Variants in ARHGEF9 observed in about 807,000 individuals in gnomAD.
ARHGEF9 encodes the protein rho guanine nucleotide exchange factor 9.
A neutral mutation model predicts 41.3 loss-of-function variants in ARHGEF9; 2 were observed. The ratio of observed to expected loss-of-function variants is 0.05; its 90% CI spans 0.02 to 0.15. The LOEUF (loss-of-function observed/expected upper bound fraction) is 0.15, where lower values mean the gene tolerates loss of function less well. Among genes scored for constraint, ARHGEF9 ranks in the 10% least tolerant of loss-of-function variants. The pLI, the probability that ARHGEF9 is intolerant of heterozygous loss-of-function variation, is 1.00. For synonymous variants in ARHGEF9, 160 were observed against 154.4 expected (o/e 1.04, Z -0.27); for missense variants, 225 against 424.7 (o/e 0.53, Z 4.13).
intron 4 of ARHGEF9, among the ~76,000 whole-genome samples, chrX:63,693,877 T>A (rs782421431): frequency 2.2e-4 from 23 of 103,562 alleles, no homozygotes; most frequent in African/African-American, 7.4e-4. Context: ...TGGCGAAAAT[T>A]AAAAAAAAAA....
At chrX:63,683,698 T>A (rs1218584409) in intron 4 of ARHGEF9, among the ~76,000 whole-genome samples, 1 of 111,115 alleles carries the variant, frequency 9.0e-6, no homozygotes, top group Non-Finnish European at 1.9e-5. Flanking sequence ...CCGAAGCAAA[T>A]ATAGTGAACT....
chrX:63,697,814 T>C (rs1460650000), intron 3 of ARHGEF9, among the ~76,000 whole-genome samples: 1 of 111,989 alleles, frequency 8.9e-6, no homozygotes, highest in Non-Finnish European at 1.9e-5. Context: ...AACTTTAATG[T>C]CAGGAAATAA....
At chrX:63,688,641 G>A (rs1290835346) in intron 4 of ARHGEF9, among the ~76,000 whole-genome samples, 1 of 111,710 alleles carries the variant, frequency 9.0e-6, no homozygotes, top group Non-Finnish European at 1.9e-5. Flanking sequence ...GTGATGGCAC[G>A]TGCCTATAAT....
chrX:63,754,379 TTC>T (rs2055844769), intron 1 of ARHGEF9: 3 of 1,206,673 alleles, frequency 2.5e-6, no homozygotes, highest in East Asian at 3.0e-5. Context: ...AGCTTGTTCT[TTC>T]TCTCTCTTTC....
chrX:63,675,709 C>A (rs1452556845), intron 5 of ARHGEF9, among the ~76,000 whole-genome samples: 3 of 111,904 alleles, frequency 2.7e-5, no homozygotes, highest in African/African-American at 9.8e-5. Context: ...AGACGTGTAA[C>A]CCTTGGCCCC....
At chrX:63,723,171 G>A (rs1463864356) in intron 2 of ARHGEF9, among the ~76,000 whole-genome samples, 1 of 111,270 alleles carries the variant, frequency 9.0e-6, no homozygotes, top group Non-Finnish European at 1.9e-5. Context: ...CATTTGCTAA[G>A]TTCCTAATAT....
intron 7 of ARHGEF9, among the ~76,000 whole-genome samples, chrX:63,659,717 T>C (rs1331329764): frequency 1.8e-5 from 2 of 111,802 alleles, no homozygotes; most frequent in Non-Finnish European, 3.8e-5. Context: ...CATCCTAGAA[T>C]GCATGCTTAA....
At chrX:63,657,370 T>C (rs2048939584) in intron 7 of ARHGEF9, 1 of 111,865 alleles carries the variant, frequency 8.9e-6, no homozygotes, top group Non-Finnish European at 1.9e-5. Flanking sequence ...AGATTTTCAG[T>C]TGGGCTGGGA....
chrX:63,775,408 G>A (rs782578909), intron 1 of ARHGEF9, among the ~76,000 whole-genome samples: 3 of 112,271 alleles, frequency 2.7e-5, no homozygotes, highest in East Asian at 2.8e-4. Flanking sequence ...TCACAATAGC[G>A]AAGACATAAA....
intron 1 of ARHGEF9, among the ~76,000 whole-genome samples, chrX:63,761,768 T>G (rs782191982): frequency 8.9e-6 from 1 of 111,735 alleles, no homozygotes; most frequent in Non-Finnish European, 1.9e-5. Flanking sequence ...AATGACTGAA[T>G]AAATACCTGA....
chrX:63,664,620 TA>T, intron 7 of ARHGEF9, among the ~76,000 whole-genome samples: 1 of 111,938 alleles, frequency 8.9e-6, no homozygotes, highest in East Asian at 2.8e-4. Context: ...TTGGGGGAGC[TA>T]AAAAGAAGCA....
chrX:63,691,089 A>G (rs2051316139), intron 4 of ARHGEF9, among the ~76,000 whole-genome samples: 1 of 112,101 alleles, frequency 8.9e-6, no homozygotes, highest in South Asian at 3.7e-4. Context: ...AAGAATGCCC[A>G]CTTTTACCAC....
chrX:63,718,237 G>A (rs1225071414), intron 2 of ARHGEF9, among the ~76,000 whole-genome samples: 1 of 111,509 alleles, frequency 9.0e-6, no homozygotes, highest in Non-Finnish European at 1.9e-5. Flanking sequence ...AAATACTGGT[G>A]AGAAGATATT....
chrX:63,642,910 C>T (rs1432778253), intron 9 of ARHGEF9: 3 of 111,636 alleles, frequency 2.7e-5, no homozygotes, highest in Non-Finnish European at 5.6e-5. Context: ...TCATCAGGAC[C>T]CTGAGATGGA....
intron 1 of ARHGEF9, among the ~76,000 whole-genome samples, chrX:63,732,720 C>T (rs2054383243): frequency 9.0e-6 from 1 of 111,089 alleles, no homozygotes; most frequent in Non-Finnish European, 1.9e-5. Flanking sequence ...CTCTTGCATC[C>T]TTCTCATGAC....
chrX:63,784,662 A>T (rs2056432822), intron 1 of ARHGEF9, among the ~76,000 whole-genome samples: 1 of 111,264 alleles, frequency 9.0e-6, no homozygotes, highest in Non-Finnish European at 1.9e-5. Flanking sequence ...AGTTGGGGGC[A>T]GGGGGGAGTC....
At chrX:63,743,974 G>A (rs781820340) in intron 1 of ARHGEF9, among the ~76,000 whole-genome samples, 1 of 112,001 alleles carries the variant, frequency 8.9e-6, no homozygotes, top group East Asian at 2.8e-4. Context: ...CAAGACATGG[G>A]CCGGGTCACA....
At chrX:63,769,250 G>A (rs1210450948) in intron 1 of ARHGEF9, among the ~76,000 whole-genome samples, 2 of 110,535 alleles carry the variant, frequency 1.8e-5, no homozygotes, top group Non-Finnish European at 3.8e-5. Flanking sequence ...AGAAACTGGC[G>A]GCATTTTGCC....
chrX:63,650,408 A>G lies in ARHGEF9; in HGVS notation c.1321+5086T>C, dbSNP rs781977501. Among the ~76,000 whole-genome samples, 5 of 111,577 alleles carry G rather than the reference A, an allele frequency of 4.5e-5. No individual in the cohort carries two copies. The South Asian group carries it at 1.1e-3, about 25-fold the overall frequency. On this transcript the variant is annotated intron_variant, in intron 8 of 9. Coordinates refer to ENST00000671741, the MANE Select transcript of ARHGEF9 (RefSeq NM_001353921.2). ...GATGGAACTGGAGGATATTATGTTAAGTGAAATAAGATTATTTTCCCTCAT... is the reference window on the plus strand; with the variant it reads ...GATGGAACTGGAGGATATTATGTTAGGTGAAATAAGATTATTTTCCCTCAT...
Sources: allele counts gnomAD v4.1 joint callset (sites outside exome capture counted in the v4.1 genomes callset), GRCh38; gene constraint gnomAD v4.1.1; transcripts MANE v1.5; gene names NCBI Gene and HGNC (gene_info 2026-07-23, HGNC 2026-07-21).